TVP23A: variants seen among roughly 807,000 people sequenced by gnomAD.
TVP23A encodes the protein Golgi apparatus membrane protein TVP23 homolog A.
A neutral mutation model predicts 31.7 loss-of-function variants in TVP23A; 21 were observed. The ratio of observed to expected loss-of-function variants is 0.66; its 90% CI spans 0.47 to 0.95. The LOEUF is 0.95. Ranked by LOEUF, TVP23A falls within the 40% of genes least tolerant of loss-of-function variation. The pLI, the probability that TVP23A is intolerant of heterozygous loss-of-function variation, is 0.00. For missense variants in TVP23A, 279 were observed against 255.6 expected, an observed-to-expected ratio of 1.09 and a Z score of -0.62; for synonymous variants, 104 against 96.0, an observed-to-expected ratio of 1.08 and a Z score of -0.49.
chr16:10,777,443 GA>G lies in TVP23A; in HGVS notation c.90-2348del, dbSNP rs1166009798. Reference sequence around the variant, plus strand: ...TGCGGGGCCGAATGGGGTGGTCACAGAGATCCACACAGAACTGCAGGGGAAA... The same window carrying G: ...TGCGGGGCCGAATGGGGTGGTCACAGGATCCACACAGAACTGCAGGGGAAA... On this transcript the variant is annotated intron_variant, in intron 2 of 7. Transcript: ENST00000299866. The surrounding 1 kb of genome is among the most constrained non-coding windows in gnomAD (Gnocchi z 4.5). 2.0e-5 allele frequency among the ~76,000 whole-genome samples: 3 copies of G among 152,218 alleles called. No homozygotes were observed. The highest frequency in any genetic ancestry group is 4.4e-5 in the Non-Finnish European group (3 of 68,020).
At chr16:10,806,778 A>G (rs1218642758) in intron 2 of TVP23A, among the ~76,000 whole-genome samples, 2 of 152,210 alleles carry the variant, frequency 1.3e-5, no homozygotes, top group East Asian at 3.8e-4. Context: ...CATGGATTAC[A>G]GACATGAGCC....
At chr16:10,788,914 C>A (rs779262486) in intron 2 of TVP23A, among the ~76,000 whole-genome samples, 1 of 152,232 alleles carries the variant, frequency 6.6e-6, no homozygotes, top group African/African-American at 2.4e-5. Context: ...AGGTCTCACT[C>A]TGAGCATGGG....
intron 2 of TVP23A, among the ~76,000 whole-genome samples, chr16:10,806,947 T>G (rs2033974458): frequency 6.6e-6 from 1 of 152,214 alleles, no homozygotes; most frequent in Non-Finnish European, 1.5e-5. Context: ...GAACTGAAAT[T>G]TGTCTAGTTC....
chr16:10,770,334 G>C lies in TVP23A; in HGVS notation c.583-3C>G. 1 of 1,551,064 alleles carries C rather than the reference G, an allele frequency of 6.4e-7. No individual in the cohort carries two copies. Among genetic ancestry groups the C allele is most frequent in the East Asian group, 2.4e-5 (1 of 40,832 alleles). ...TTCTGAAAGTCACCTGGGCAGGCCT[G>C]CAAGGGGAAAAGTCAACCATGGTTT... On this transcript the variant is annotated splice_region_variant and splice_polypyrimidine_tract_variant and intron_variant, in intron 6 of 7. Coordinates refer to ENST00000299866, the MANE Select transcript of TVP23A (RefSeq NM_001079512.4).
chr16:10,801,559 C>A (rs1195687279), intron 2 of TVP23A, among the ~76,000 whole-genome samples: 2 of 152,070 alleles, frequency 1.3e-5, no homozygotes, highest in African/African-American at 4.8e-5. Flanking sequence ...TGGGTTCAAG[C>A]GATTCTCATC....
chr16:10,783,615 G>C (rs1041792075), intron 2 of TVP23A, among the ~76,000 whole-genome samples: 1 of 152,196 alleles, frequency 6.6e-6, no homozygotes, highest in Non-Finnish European at 1.5e-5. Flanking sequence ...AGCGGAGGTT[G>C]CAGTGAGCCA....
Position 10,767,793 on chromosome 16 carries a change from T to C in TVP23A, c.*1309A>G. 1 of 654,240 alleles carries C rather than the reference T, an allele frequency of 1.5e-6. No homozygotes were observed. The highest frequency in any genetic ancestry group is 2.7e-6 in the Non-Finnish European group (1 of 376,800). 40.5% of individuals were successfully genotyped at this position (654,240 alleles called of 1,614,324 possible). A position where few individuals can be genotyped will look rare whatever the true frequency, so the allele number is the denominator to read the frequency against. Reference sequence around the variant, plus strand: ...GGGACCCTGCTGGAAGGAAGGTCCCTGAGACCCCACTGGTCTTTTCTACTT... The same window carrying C: ...GGGACCCTGCTGGAAGGAAGGTCCCCGAGACCCCACTGGTCTTTTCTACTT... On this transcript the variant is annotated 3_prime_UTR_variant, in exon 8 of 8. Transcript: ENST00000299866. This position sits in a 1 kb window ranked among gnomAD's most constrained non-coding sequence, Gnocchi z 4.6.
chr16:10,788,844 A>G (rs2032928722), intron 2 of TVP23A, among the ~76,000 whole-genome samples: 2 of 152,202 alleles, frequency 1.3e-5, no homozygotes, highest in African/African-American at 2.4e-5. Flanking sequence ...GTCTCTCCAC[A>G]TTCCAGTGCT....
At chr16:10,762,094 G>A (rs536833797), downstream of TVP23A, 2 of 448,634 alleles carry the variant, frequency 4.5e-6, no homozygotes, top group East Asian at 3.6e-5. Context: ...GTGAGGCCTG[G>A]AAGAATGGGG....
chr16:10,760,676 G>A (rs1900886577), downstream of TVP23A, among the ~76,000 whole-genome samples: 2 of 152,166 alleles, frequency 1.3e-5, no homozygotes, highest in East Asian at 1.9e-4. Flanking sequence ...GGTCAAGGCT[G>A]CAGTGAGCAA....
In TVP23A at chr16:10,767,294, G is replaced by C. The variant is rs2031028792; in HGVS notation, c.*1808C>G. The C allele has an allele frequency of 2.5e-6, 1 of 399,238 alleles. No individual in the cohort carries two copies. The highest frequency in any genetic ancestry group is 4.4e-6 in the Non-Finnish European group (1 of 226,668). 24.7% of individuals were successfully genotyped at this position (399,238 alleles called of 1,614,324 possible). On this transcript the variant is annotated 3_prime_UTR_variant, in exon 8 of 8. Transcript: ENST00000299866. This position sits in a 1 kb window ranked among gnomAD's most constrained non-coding sequence, Gnocchi z 4.6. ...CTGGCTCTGGGATAACATGGTCCTA[G>C]AGAAACCTGGGTGTGCATAGGAGGG...
At chr16:10,817,106 G>C (rs577866480) in intron 2 of TVP23A, among the ~76,000 whole-genome samples, 1 of 152,176 alleles carries the variant, frequency 6.6e-6, no homozygotes, top group Non-Finnish European at 1.5e-5. Flanking sequence ...TAATTCTTCC[G>C]AAGGGAGTGT....
intron 2 of TVP23A, among the ~76,000 whole-genome samples, chr16:10,778,081 C>T (rs774700587): frequency 2.0e-5 from 3 of 152,008 alleles, no homozygotes; most frequent in Non-Finnish European, 4.4e-5. Context: ...CACCTGTAAT[C>T]CTAGCTCTTT....
rs547412589 is a variant in TVP23A, at chr16:10,773,549, A to AT, written c.325-109dup. The AT allele has an allele frequency of 3.7e-6, 5 of 1,358,384 alleles. No homozygotes were observed. In the South Asian group the frequency reaches 4.4e-5, roughly 12 times the overall value. 84.1% of individuals were successfully genotyped at this position (1,358,384 alleles called of 1,614,324 possible). On this transcript the variant is annotated intron_variant, in intron 4 of 7. Transcript: ENST00000299866. ...TTGCAGATGCTTTTGTTGCTGTGGGATTTTTTGTTGTTGGTGTTGTTTTGT... is the reference window on the plus strand; with the variant it reads ...TTGCAGATGCTTTTGTTGCTGTGGGATTTTTTTGTTGTTGGTGTTGTTTTGT...
intron 8 of TVP23A, chr16:10,761,623 A>G (rs1387091252): frequency 1.0e-6 from 1 of 975,108 alleles, no homozygotes. Context: ...TGACTAAAGG[A>G]AAGTTCTTTA....
chr16:10,817,920 T>C (rs542238168), intron 2 of TVP23A, among the ~76,000 whole-genome samples, 183 bp downstream of exon 2: 1 of 152,302 alleles, frequency 6.6e-6, no homozygotes, highest in African/African-American at 2.4e-5. Flanking sequence ...CCACCCCTTC[T>C]TCCTCCCTCT....
chr16:10,793,331 C>A (rs1435086827), intron 2 of TVP23A, among the ~76,000 whole-genome samples: 4 of 152,074 alleles, frequency 2.6e-5, no homozygotes, highest in African/African-American at 9.7e-5. Flanking sequence ...TCTGGGTATG[C>A]TCAGCATCAA....
At chr16:10,801,042 G>C (rs1045666994) in intron 2 of TVP23A, among the ~76,000 whole-genome samples, 15 of 152,142 alleles carry the variant, frequency 9.9e-5, no homozygotes, top group African/African-American at 3.6e-4. Context: ...GTCAACAAAA[G>C]GATGTCCCAG....
rs553164493 is a variant in TVP23A at position 10,806,623 on chromosome 16, G to A, written c.89+11480C>T. ...TACAAGCAATTCTCTTCCCTCAACC[G>A]CCTGAATAGCTGGGATTACAGGCGC... On this transcript the variant is annotated intron_variant, in intron 2 of 7. Coordinates refer to ENST00000299866, the MANE Select transcript of TVP23A (RefSeq NM_001079512.4). Among the ~76,000 whole-genome samples the A allele has an allele frequency of 1.5e-4, 23 of 152,128 alleles. No homozygotes were observed. The South Asian group carries it at 4.6e-3, about 30-fold the overall frequency.
Sources: gnomAD v4.1 joint callset for allele counts (sites outside exome capture counted in the v4.1 genomes callset) on GRCh38, gnomAD v4.1.1 for gene constraint, Gnocchi (gnomAD v3.1) non-coding constraint, MANE v1.5 for transcripts, NCBI Gene and HGNC (gene_info 2026-07-23, HGNC 2026-07-21) for gene names.